Variants in LRP1B observed in about 807,000 individuals in gnomAD.
LRP1B encodes the protein LDL receptor related protein 1B.
A neutral mutation model predicts 556.6 loss-of-function variants in LRP1B; 217 were observed. The ratio of observed to expected loss-of-function variants is 0.39; its 90% CI spans 0.35 to 0.44. The LOEUF (loss-of-function observed/expected upper bound fraction) is 0.44, where lower values mean the gene tolerates loss of function less well. Among genes scored for constraint, LRP1B ranks in the 20% least tolerant of loss-of-function variants. The pLI, the probability that LRP1B is intolerant of heterozygous loss-of-function variation, is 1.00. For missense variants in LRP1B, 5,053 were observed against 5,620.8 expected (o/e 0.90, Z 3.23); for synonymous variants, 2,047 against 1,865.8 (o/e 1.10, Z -2.50).
chr2:141,792,032 C>T (rs1439598026), intron 2 of LRP1B, among the ~76,000 whole-genome samples: 1 of 127,994 alleles, frequency 7.8e-6, no homozygotes, highest in African/African-American at 3.3e-5. Context: ...ATTAATATTC[C>T]ATTCATTTTT....
intron 3 of LRP1B, among the ~76,000 whole-genome samples, chr2:141,301,109 G>A (rs748139715): frequency 2.0e-5 from 3 of 152,068 alleles, no homozygotes; most frequent in Non-Finnish European, 4.4e-5. Context: ...GGGGTATGGA[G>A]TTTTACATGA....
chr2:140,762,824 C>A (rs930392732), intron 35 of LRP1B, among the ~76,000 whole-genome samples: 2 of 151,998 alleles, frequency 1.3e-5, no homozygotes, highest in African/African-American at 4.8e-5. Context: ...TGAATCACAG[C>A]TTTTTTTAAA....
At chr2:141,952,931 T>C (rs1449109858) in intron 1 of LRP1B, among the ~76,000 whole-genome samples, 2 of 152,140 alleles carry the variant, frequency 1.3e-5, no homozygotes, top group Non-Finnish European at 2.9e-5. Context: ...CTAGAAGATT[T>C]TTTACCGTGT....
At chr2:141,087,784 T>C (rs547806030) in intron 7 of LRP1B, among the ~76,000 whole-genome samples, 1 of 152,328 alleles carries the variant, frequency 6.6e-6, no homozygotes, top group African/African-American at 2.4e-5. Context: ...GCTAGAGGTG[T>C]CTGCGAAATG....
At chr2:141,819,815 C>T (rs544948793) in intron 1 of LRP1B, among the ~76,000 whole-genome samples, 4 of 152,218 alleles carry the variant, frequency 2.6e-5, no homozygotes, top group Admixed American at 6.5e-5. Flanking sequence ...GATCTCATCA[C>T]TGTACAATAT....
chr2:140,591,984 A>G (rs1682246012), intron 43 of LRP1B, among the ~76,000 whole-genome samples: 1 of 152,182 alleles, frequency 6.6e-6, no homozygotes, highest in Non-Finnish European at 1.5e-5. Context: ...CTTGATATGT[A>G]TCTGCCTTCA....
At chr2:141,190,606 C>T (rs1558922218) in intron 6 of LRP1B, among the ~76,000 whole-genome samples, 1 of 151,832 alleles carries the variant, frequency 6.6e-6, no homozygotes. Flanking sequence ...CTATAAATAC[C>T]CAATTCCTCT....
intron 6 of LRP1B, among the ~76,000 whole-genome samples, chr2:141,196,639 T>C (rs2105214948): frequency 6.6e-6 from 1 of 152,194 alleles, no homozygotes; most frequent in South Asian, 2.1e-4. Context: ...TTTTTCTTTC[T>C]TAGAATTTAT....
intron 3 of LRP1B, among the ~76,000 whole-genome samples, chr2:141,472,807 C>G (rs920928629): frequency 1.1e-4 from 17 of 152,060 alleles, no homozygotes; most frequent in African/African-American, 3.9e-4. Flanking sequence ...CAGTTTACAC[C>G]ATTTGTAAAA....
At chr2:141,801,382 G>C (rs1213939216) in intron 2 of LRP1B, among the ~76,000 whole-genome samples, 1 of 152,006 alleles carries the variant, frequency 6.6e-6, no homozygotes, top group South Asian at 2.1e-4. Flanking sequence ...TTGAGTTCTT[G>C]GGTTCAAGTA....
intron 41 of LRP1B, among the ~76,000 whole-genome samples, chr2:140,634,106 C>T (rs1007955956): frequency 1.4e-4 from 21 of 152,006 alleles, no homozygotes; most frequent in East Asian, 9.6e-4. Context: ...ACACCAAAAC[C>T]GAGTAGGATT....
intron 66 of LRP1B, among the ~76,000 whole-genome samples, chr2:140,417,890 C>T (rs528948437): frequency 3.3e-5 from 5 of 152,296 alleles, no homozygotes; most frequent in South Asian, 2.1e-4. Context: ...CATGTGTTCA[C>T]GCAGCTCTGT....
intron 1 of LRP1B, among the ~76,000 whole-genome samples, chr2:141,821,687 A>G (rs1414131261): frequency 6.6e-6 from 1 of 152,194 alleles, no homozygotes; most frequent in Non-Finnish European, 1.5e-5. Context: ...CAAAAAAATT[A>G]TAAGTAATAG....
intron 1 of LRP1B, among the ~76,000 whole-genome samples, chr2:141,833,094 T>C (rs1370268125): frequency 1.3e-5 from 2 of 151,756 alleles, no homozygotes; most frequent in Admixed American, 1.3e-4. Flanking sequence ...TACCTAGTAT[T>C]ACAGTTTTTA....
At chr2:141,014,172 C>CA (rs1558800827) in intron 13 of LRP1B, among the ~76,000 whole-genome samples, 1 of 152,008 alleles carries the variant, frequency 6.6e-6, no homozygotes, top group Non-Finnish European at 1.5e-5. Flanking sequence ...CAATAACCAA[C>CA]AAATAGAACA....
chr2:141,619,119 G>A (rs1182177130), intron 2 of LRP1B, among the ~76,000 whole-genome samples: 4 of 151,896 alleles, frequency 2.6e-5, no homozygotes, highest in Admixed American at 6.6e-5. Flanking sequence ...TTCTCTATTC[G>A]GTTATTTAAA....
intron 7 of LRP1B, among the ~76,000 whole-genome samples, chr2:141,105,120 T>C (rs1226665704): frequency 6.6e-6 from 1 of 152,088 alleles, no homozygotes; most frequent in Non-Finnish European, 1.5e-5. Context: ...AAAGTCTGCA[T>C]TTATCATTTT....
In LRP1B at chr2:141,801,311, C is replaced by T. The variant is rs574707829; in HGVS notation, c.205+8968G>A. ...TGTGTGTTTCTATATATTTTAGAGA[C>T]AAGATCTTGCTCTATCACCCAGGCT... On this transcript the variant is annotated intron_variant, in intron 2 of 90. Coordinates refer to ENST00000389484, the MANE Select transcript of LRP1B (RefSeq NM_018557.3). 7.3e-4 allele frequency among the ~76,000 whole-genome samples: 111 copies of T among 152,162 alleles called. 1 individual carries two copies. The highest frequency in any genetic ancestry group is 1.2e-3 in the South Asian group (6 of 4,826).
chr2:141,860,866 C>G (rs1698217320), intron 1 of LRP1B, among the ~76,000 whole-genome samples: 1 of 152,092 alleles, frequency 6.6e-6, no homozygotes, highest in African/African-American at 2.4e-5. Flanking sequence ...TTACATTCTA[C>G]AGAAATAAAT....
Sources: gnomAD v4.1 joint callset for allele counts (sites outside exome capture counted in the v4.1 genomes callset) on GRCh38, gnomAD v4.1.1 for gene constraint, MANE v1.5 for transcripts, NCBI Gene and HGNC (gene_info 2026-07-23, HGNC 2026-07-21) for gene names.